The following LDB3 variants were observed in gnomAD, a reference collection of about 807,000 sequenced individuals.
LDB3 encodes the protein LIM domain binding 3, also known as LIM domain-binding protein 3.
Under a neutral mutation model 69.0 loss-of-function variants are expected in LDB3, and 49 were observed. The observed-to-expected ratio is 0.71, with a 90% CI of 0.56 to 0.90. The LOEUF (loss-of-function observed/expected upper bound fraction) is 0.90, where lower values mean the gene tolerates loss of function less well. Ranked by LOEUF, LDB3 falls within the 40% of genes least tolerant of loss-of-function variation. The pLI is 0.00. For synonymous variants in LDB3, 387 were observed against 396.2 expected (o/e 0.98, Z 0.28); for missense variants, 928 against 974.1 (o/e 0.95, Z 0.63).
chr10:86,669,510 C>T (rs1259125474), intron 2 of LDB3, among the ~76,000 whole-genome samples: 2 of 152,194 alleles, frequency 1.3e-5, no homozygotes, highest in Non-Finnish European at 2.9e-5. Context: ...AGTAACTCTA[C>T]CGCCTGGCTG....
At position 86,682,597 on chromosome 10, in the gene LDB3, C is replaced by T. The variant is rs116175154; in HGVS notation, c.689+794C>T. On this transcript the variant is annotated intron_variant, in intron 5 of 13. Coordinates refer to ENST00000361373, the MANE Select transcript of LDB3 (RefSeq NM_007078.3). The stretch of plus-strand genomic sequence containing the variant: ...TGTTCTCTCACCCTAACTTCTACTC[C>T]CGCCCTGTGCAATTGGCATAGCCCT... Among the ~76,000 whole-genome samples, 917 of 152,290 alleles carry T rather than the reference C, an allele frequency of 6.0e-3. 14 individuals carry two copies. The highest frequency in any genetic ancestry group is 0.021 in the African/African-American group (870 of 41,548).
chr10:86,704,896 A>C (rs947836966), intron 7 of LDB3, among the ~76,000 whole-genome samples: 2 of 151,774 alleles, frequency 1.3e-5, no homozygotes, highest in Non-Finnish European at 2.9e-5. Context: ...TTTGTTTCTT[A>C]GTAGAGACAA....
chr10:86,717,044 T>C (rs1846904639), intron 10 of LDB3, among the ~76,000 whole-genome samples: 1 of 152,214 alleles, frequency 6.6e-6, no homozygotes, highest in African/African-American at 2.4e-5. Context: ...AACTCCCCCT[T>C]GGGCTAAGGT....
intron 9 of LDB3, among the ~76,000 whole-genome samples, chr10:86,710,561 C>T (rs985682634): frequency 6.6e-6 from 1 of 152,206 alleles, no homozygotes; most frequent in African/African-American, 2.4e-5. Flanking sequence ...CCAGCCTGGG[C>T]GACAGAATGA....
intron 8 of LDB3, among the ~76,000 whole-genome samples, chr10:86,708,565 G>C (rs543099896): frequency 6.6e-6 from 1 of 152,154 alleles, no homozygotes. Context: ...ATGGAAGCCT[G>C]GCACCCCTTG....
At chr10:86,712,273 G>C (rs1366315216) in intron 9 of LDB3, among the ~76,000 whole-genome samples, 2 of 152,192 alleles carry the variant, frequency 1.3e-5, no homozygotes, top group Non-Finnish European at 2.9e-5. Flanking sequence ...TCTGTGTTGT[G>C]GGGGCTGGAA....
intron 7 of LDB3, among the ~76,000 whole-genome samples, chr10:86,704,489 G>A (rs910447037): frequency 2.6e-4 from 39 of 151,304 alleles, no homozygotes; most frequent in African/African-American, 9.0e-4. Flanking sequence ...GCATGATCTC[G>A]GCTCACCGCA....
intron 2 of LDB3, among the ~76,000 whole-genome samples, chr10:86,675,470 G>A (rs1442594259): frequency 6.6e-6 from 1 of 152,248 alleles, no homozygotes; most frequent in Non-Finnish European, 1.5e-5. Context: ...CTGTGACCGA[G>A]GCCACAGCCT....
intron 7 of LDB3, among the ~76,000 whole-genome samples, chr10:86,706,242 G>T (rs1846436021): frequency 7.7e-6 from 1 of 129,674 alleles, no homozygotes; most frequent in African/African-American, 2.8e-5. Context: ...GAAAAATTAG[G>T]AAGTACAGAA....
In LDB3 at chr10:86,733,362, T is replaced by C. The variant is rs1847540587; in HGVS notation, c.*386T>C. 1 of 266,878 alleles carries C rather than the reference T, an allele frequency of 3.7e-6. No individual in the cohort carries two copies. Among genetic ancestry groups the C allele is most frequent in the Non-Finnish European group, 7.3e-6 (1 of 137,458 alleles). The allele number at this position is 266,878 out of a possible 1,614,324, so 16.5% of individuals were successfully genotyped here. A position where few individuals can be genotyped will look rare whatever the true frequency, so the allele number is the denominator to read the frequency against. On this transcript the variant is annotated 3_prime_UTR_variant, in exon 14 of 14. Transcript: ENST00000361373. ...GAATCTGAAGCATTCTGCGGAGTTCTTAAGCGCTCCCCTGGCAAACAAATT... is the reference window on the plus strand; with the variant it reads ...GAATCTGAAGCATTCTGCGGAGTTCCTAAGCGCTCCCCTGGCAAACAAATT...
chr10:86,697,614 T>G (rs1846069644), intron 7 of LDB3, among the ~76,000 whole-genome samples: 1 of 135,274 alleles, frequency 7.4e-6, no homozygotes, highest in Non-Finnish European at 1.5e-5. Flanking sequence ...AGTGCAGTGG[T>G]GCAATCTCAG....
At chr10:86,682,203 C>G (rs1845192154) in intron 5 of LDB3, among the ~76,000 whole-genome samples, 3 of 152,176 alleles carry the variant, frequency 2.0e-5, no homozygotes, top group African/African-American at 7.2e-5. Context: ...CCCCACCCCT[C>G]TGGGAGCTCG....
At chr10:86,668,387 A>T (rs756085762), upstream of LDB3, 4 of 467,372 alleles carry the variant, frequency 8.6e-6, no homozygotes, top group Non-Finnish European at 1.2e-5. Context: ...GGGCTATATT[A>T]GCCGTGTGAG....
chr10:86,707,797 C>T (rs1846500661), intron 8 of LDB3, among the ~76,000 whole-genome samples: 2 of 152,234 alleles, frequency 1.3e-5, no homozygotes, highest in Non-Finnish European at 2.9e-5. Context: ...CAAGCCCAAC[C>T]TTTCCCCAGC....
intron 12 of LDB3, among the ~76,000 whole-genome samples, chr10:86,723,496 G>A (rs1847156166): frequency 6.6e-6 from 1 of 152,116 alleles, no homozygotes; most frequent in Admixed American, 6.5e-5. Context: ...CCAGGGCCTG[G>A]TTTGCACAGA....
intron 2 of LDB3, 45 bp downstream of exon 2, chr10:86,668,829 G>C (rs775063829): frequency 7.1e-7 from 1 of 1,404,876 alleles, no homozygotes; most frequent in Non-Finnish European, 1.0e-6. Flanking sequence ...GGGCAGGCAC[G>C]CTTGGAGGAG....
chr10:86,692,629 C>G, intron 7 of LDB3, 58 bp downstream of exon 7: 1 of 1,513,398 alleles, frequency 6.6e-7, no homozygotes, highest in South Asian at 1.1e-5. Flanking sequence ...CCTCCCCGGG[C>G]AGCCCCCAGG....
rs1289069138 is a variant in LDB3, at chr10:86,668,657, C to G, written c.-23-12C>G. ...GCCCTCTCACTCAACCCTCTCTACCCTTTGTCTGCAGAGGCGGCCGCTGAC... is the reference window on the plus strand; with the variant it reads ...GCCCTCTCACTCAACCCTCTCTACCGTTTGTCTGCAGAGGCGGCCGCTGAC... On this transcript the variant is annotated splice_polypyrimidine_tract_variant and intron_variant, in intron 1 of 13. Transcript: ENST00000361373. 1.9e-6 allele frequency: 3 copies of G among 1,555,760 alleles called. No homozygotes were observed. The highest frequency in any genetic ancestry group is 1.7e-5 in the Admixed American group (1 of 59,942).
chr10:86,686,458 CT>C (rs1236232407), intron 5 of LDB3, among the ~76,000 whole-genome samples: 1 of 152,196 alleles, frequency 6.6e-6, no homozygotes, highest in East Asian at 1.9e-4. Flanking sequence ...CCTGCAGACC[CT>C]GGGAGGGAGC....
Sources: gnomAD v4.1 joint callset for allele counts (sites outside exome capture counted in the v4.1 genomes callset) on GRCh38, gnomAD v4.1.1 for gene constraint, MANE v1.5 for transcripts, NCBI Gene and HGNC (gene_info 2026-07-23, HGNC 2026-07-21) for gene names.